The following P3H1 variants were observed in gnomAD, a reference collection of about 807,000 sequenced individuals.
P3H1 encodes the protein prolyl 3-hydroxylase 1.
P3H1 carries 69 observed loss-of-function variants against 84.0 expected under a neutral mutation model. The ratio of observed to expected loss-of-function variants is 0.82; its 90% confidence interval spans 0.68 to 1.00. P3H1 has a LOEUF of 1.00. Among genes scored for constraint, P3H1 ranks in the 50% least tolerant of loss-of-function variants. P3H1 has a pLI of 0.00. For missense variants in P3H1, 878 were observed against 962.8 expected (o/e 0.91, Z 1.17); for synonymous variants, 366 against 388.8 (o/e 0.94, Z 0.69).
At chr1:42,753,877 G>A (rs914874616) in intron 8 of P3H1, among the ~76,000 whole-genome samples, 1 of 151,314 alleles carries the variant, frequency 6.6e-6, no homozygotes, top group African/African-American at 2.4e-5. Flanking sequence ...AGTGAGCCAA[G>A]ATTGCACCAC....
At chr1:42,751,554 AG>A (rs1652077842) in intron 10 of P3H1, 1 of 140,664 alleles carries the variant, frequency 7.1e-6, no homozygotes, top group African/African-American at 2.6e-5. Flanking sequence ...GAAACACCCA[AG>A]AATGATCAAT....
At chr1:42,752,135 C>G in intron 10 of P3H1, 139 bp downstream of exon 10, 2 of 754,386 alleles carry the variant, frequency 2.7e-6, no homozygotes, top group Non-Finnish European at 4.7e-6. Context: ...AACTCATCCT[C>G]GCTTCCTGGC....
At chr1:42,752,202 T>C (rs1002657925) in intron 10 of P3H1, 72 bp downstream of exon 10, 1 of 1,296,614 alleles carries the variant, frequency 7.7e-7, no homozygotes, top group Non-Finnish European at 1.1e-6. Context: ...GCCCCAACTC[T>C]TCCTCAAAGC....
At chr1:42,765,637 G>A (rs962673051) in intron 1 of P3H1, among the ~76,000 whole-genome samples, 1 of 152,116 alleles carries the variant, frequency 6.6e-6, no homozygotes, top group Non-Finnish European at 1.5e-5. Flanking sequence ...GCTGTGGAGG[G>A]GTGGAAATCT....
At chr1:42,747,661 G>C in intron 13 of P3H1, 62 bp downstream of exon 13, 1 of 1,574,554 alleles carries the variant, frequency 6.4e-7, no homozygotes, top group Non-Finnish European at 8.7e-7. Flanking sequence ...TGCACTTTGG[G>C]AACATCAGCT....
chr1:42,766,475 C>A lies in P3H1; in HGVS notation c.465+32G>T, dbSNP rs758849549. The A allele has an allele frequency of 4.5e-6, 7 of 1,557,002 alleles. No individual in the cohort carries two copies. The East Asian group carries it at 1.4e-4, about 32-fold the overall frequency. On this transcript the variant is annotated intron_variant, in intron 1 of 14. Coordinates refer to ENST00000296388, the MANE Select transcript of P3H1 (RefSeq NM_022356.4). ...TGCAACACTCCTCTCCCCAGAAGGA[C>A]CCCGGCCGCCTGGTTCCAGGCAGGT...
intron 12 of P3H1, 54 bp downstream of exon 12, chr1:42,748,146 G>A: frequency 7.7e-7 from 1 of 1,304,990 alleles, no homozygotes; most frequent in East Asian, 2.3e-5. Flanking sequence ...AGGGCACTGT[G>A]GGGCCTCTGA....
intron 1 of P3H1, among the ~76,000 whole-genome samples, chr1:42,763,570 G>C (rs1570481387): frequency 6.6e-6 from 1 of 150,670 alleles, no homozygotes; most frequent in African/African-American, 2.4e-5. Flanking sequence ...TTCTTGGGAG[G>C]CTGAAGCAGG....
chr1:42,750,978 C>T (rs1381363701), intron 10 of P3H1, among the ~76,000 whole-genome samples: 1 of 113,962 alleles, frequency 8.8e-6, no homozygotes, highest in Non-Finnish European at 1.9e-5. Context: ...CCAGCCGCCC[C>T]ATCCGGGAGG....
intron 12 of P3H1, 41 bp from the exon 13 acceptor site, chr1:42,747,839 C>T (rs375115016): frequency 1.3e-6 from 2 of 1,586,790 alleles, no homozygotes; most frequent in Non-Finnish European, 1.7e-6. Flanking sequence ...CCTTCCCTGC[C>T]TCCCTTTCCC....
chr1:42,756,796 G>A (rs922259254), intron 5 of P3H1, among the ~76,000 whole-genome samples: 1 of 152,318 alleles, frequency 6.6e-6, no homozygotes, highest in Non-Finnish European at 1.5e-5. Context: ...AACAGATTCC[G>A]GTCACCACTG....
In P3H1 at chr1:42,759,401, G is replaced by A. The variant is rs202219307; in HGVS notation, c.619-11C>T. ...CAGTCGAAATTCTTGCTACTGGGAAGAAGGAGCACTCAAATGCAGGCCACA... is the reference window on the plus strand; with the variant it reads ...CAGTCGAAATTCTTGCTACTGGGAAAAAGGAGCACTCAAATGCAGGCCACA... On this transcript the variant is annotated splice_polypyrimidine_tract_variant and intron_variant, in intron 2 of 14. Coordinates refer to ENST00000296388, the MANE Select transcript of P3H1 (RefSeq NM_022356.4). 210 of 1,613,336 alleles carry A rather than the reference G, an allele frequency of 1.3e-4. No individual in the cohort carries two copies. The highest frequency in any genetic ancestry group is 2.4e-5 in the Non-Finnish European group (28 of 1,179,518).
In P3H1 at chr1:42,766,800, T is replaced by C; in HGVS notation, c.172A>G (p.Met58Val). Reference protein sequence around the residue: ...RGDWPGVVLSMERALRSRAAL... With the variant: ...RGDWPGVVLSVERALRSRAAL... ...GCCCGGGAGCGCAGCGCCCGTTCCA[T>C]GCTCAGGACCACCCCGGGCCAGTCC... is the stretch of plus-strand genomic sequence containing the variant. The change falls in exon 1 of 15, where the codon ATG (methionine) becomes GTG (valine). Residue 58 changes from methionine (M) to valine (V), a missense_variant. Coordinates refer to ENST00000296388, the MANE Select transcript of P3H1 (RefSeq NM_022356.4). 6.2e-7 allele frequency: 1 copy of C among 1,603,060 alleles called. No homozygotes were observed. Among genetic ancestry groups the C allele is most frequent in the Non-Finnish European group, 8.5e-7 (1 of 1,179,250 alleles).
chr1:42,766,472 G>A, intron 1 of P3H1, 35 bp downstream of exon 1: 2 of 1,550,618 alleles, frequency 1.3e-6, no homozygotes, highest in Non-Finnish European at 8.8e-7. Context: ...CTCCCCAGAA[G>A]GACCCCGGCC....
intron 1 of P3H1, among the ~76,000 whole-genome samples, chr1:42,765,313 G>A (rs1386660542): frequency 2.0e-4 from 31 of 152,202 alleles, no homozygotes; most frequent in Non-Finnish European, 1.6e-4. Flanking sequence ...CTTCTTTGAA[G>A]TCTAATTTCT....
chr1:42,765,306 C>T (rs1284456770), intron 1 of P3H1, among the ~76,000 whole-genome samples: 1 of 152,222 alleles, frequency 6.6e-6, no homozygotes, highest in Non-Finnish European at 1.5e-5. Flanking sequence ...ATTACCTCTT[C>T]TTTGAAGTCT....
chr1:42,761,034 C>T lies in P3H1; in HGVS notation c.618+1289G>A, dbSNP rs1322326303. On this transcript the variant is annotated intron_variant, in intron 2 of 14. Coordinates refer to ENST00000296388, the MANE Select transcript of P3H1 (RefSeq NM_022356.4). Reference sequence around the variant, plus strand: ...TCACCCAGGCTGGAGTGCAGTGGCACAATCTTGGCTCACTGCAACCTCCAC... The same window carrying T: ...TCACCCAGGCTGGAGTGCAGTGGCATAATCTTGGCTCACTGCAACCTCCAC... The T allele has an allele frequency of 2.8e-5, 4 of 143,528 alleles. No homozygotes were observed. The Admixed American group carries it at 3.0e-4, about 11-fold the overall frequency. 8.9% of individuals were successfully genotyped at this position (143,528 alleles called of 1,614,324 possible).
intron 8 of P3H1, 132 bp from the exon 9 acceptor site, chr1:42,752,796 G>T: frequency 8.6e-7 from 1 of 1,159,428 alleles, no homozygotes; most frequent in Non-Finnish European, 1.2e-6. Context: ...CTCCCGCTAG[G>T]TCATTTTCAA....
chr1:42,755,425 C>T (rs1652343165), intron 6 of P3H1, 123 bp downstream of exon 6: 15 of 1,016,858 alleles, frequency 1.5e-5, no homozygotes, highest in Non-Finnish European at 2.3e-5. Context: ...TTGCACAGAT[C>T]CCAGGCTAGG....
Sources: gnomAD v4.1 joint callset for allele counts (sites outside exome capture counted in the v4.1 genomes callset) on GRCh38, gnomAD v4.1.1 for gene constraint, MANE v1.5 for transcripts, NCBI Gene and HGNC (gene_info 2026-07-23, HGNC 2026-07-21) for gene names.